The following AXL variants were observed in gnomAD, a reference collection of about 807,000 sequenced individuals.
AXL encodes AXL receptor tyrosine kinase.
A neutral mutation model predicts 104.5 loss-of-function variants in AXL; 52 were observed. That is an observed-to-expected ratio of 0.50 (90% CI 0.40 to 0.63). The LOEUF is 0.63. Ranked by LOEUF, AXL falls within the 20% of genes least tolerant of loss-of-function variation. The pLI is 0.00. For synonymous variants in AXL, 455 were observed against 473.7 expected (o/e 0.96, Z 0.51); for missense variants, 1,024 against 1,188.5 (o/e 0.86, Z 2.04).
At chr19:41,254,442 C>T (rs2034421881) in intron 17 of AXL, among the ~76,000 whole-genome samples, 1 of 150,874 alleles carries the variant, frequency 6.6e-6, no homozygotes, top group Admixed American at 6.6e-5. Context: ...CCTGTAGTCC[C>T]AGCCATTCCC....
chr19:41,234,526 C>A (rs2034046202), intron 6 of AXL, among the ~76,000 whole-genome samples: 1 of 151,514 alleles, frequency 6.6e-6, no homozygotes, highest in Admixed American at 6.6e-5. Flanking sequence ...CAGAGTGAGA[C>A]CCTGCCTAAA....
chr19:41,234,551 AAAAG>A (rs575100754), intron 6 of AXL, among the ~76,000 whole-genome samples: 379 of 152,306 alleles, frequency 2.5e-3, no homozygotes, highest in Non-Finnish European at 3.8e-3. Flanking sequence ...AGAAAAAAGA[AAAAG>A]AAAGAAAGAA....
intron 13 of AXL, 56 bp from the exon 14 acceptor site, chr19:41,248,687 G>T: frequency 2.5e-6 from 4 of 1,612,396 alleles, no homozygotes; most frequent in Non-Finnish European, 3.4e-6. Flanking sequence ...CCAACTATAG[G>T]AAATACAGTC....
Position 41,243,613 on chromosome 19 carries a change from C to T in AXL, c.1446-3C>T. 5 of 1,613,750 alleles carry T rather than the reference C, an allele frequency of 3.1e-6. No homozygotes were observed. Among genetic ancestry groups the T allele is most frequent in the Middle Eastern group, 1.6e-4 (1 of 6,062 alleles). On this transcript the variant is annotated splice_region_variant and splice_polypyrimidine_tract_variant and intron_variant, in intron 11 of 19. Transcript: ENST00000301178. ...GCCCTCACCTACTCCCCCTCCCCCC[C>T]AGAGAAGTGTTTGAACCAACAGTGG...
At chr19:41,256,065 G>A (rs1280271150) in intron 17 of AXL, among the ~76,000 whole-genome samples, 1 of 148,592 alleles carries the variant, frequency 6.7e-6, no homozygotes, top group Non-Finnish European at 1.5e-5. Flanking sequence ...TCTTAATCTG[G>A]GTGCTGGTTA....
intron 17 of AXL, among the ~76,000 whole-genome samples, chr19:41,255,676 A>G (rs1218783748): frequency 6.6e-6 from 1 of 151,208 alleles, no homozygotes; most frequent in Non-Finnish European, 1.5e-5. Context: ...CCTAGCCTCA[A>G]GTGATCCTCC....
intron 19 of AXL, among the ~76,000 whole-genome samples, chr19:41,259,301 C>T (rs2034499071): frequency 6.6e-6 from 1 of 152,092 alleles, no homozygotes; most frequent in Admixed American, 6.6e-5. Context: ...TCTAGCAAAC[C>T]CTCATCAGAA....
chr19:41,245,191 G>A (rs1599737646), intron 12 of AXL, among the ~76,000 whole-genome samples: 1 of 152,212 alleles, frequency 6.6e-6, no homozygotes, highest in East Asian at 1.9e-4. Context: ...TGGGATTACA[G>A]GTGTGAGCCA....
rs770402054 is a variant in AXL, at chr19:41,237,996, C to A, written c.836C>A (p.Pro279Gln). Residue 279 changes from proline (P) to glutamine (Q), a missense_variant, in exon 7 of 20, where the codon CCA becomes CAA. Around this residue, in one of 5 missense-constraint regions of AXL, gnomAD observed 332 missense variants for 343.9 expected, o/e 0.97. Coordinates refer to ENST00000301178, the MANE Select transcript of AXL (RefSeq NM_021913.5). ...ATCCAGGCGGGAGAACCAGACCCCC[C>A]AGAGGAGCCCCTCACCTCGCAAGCA... ...MGIQAGEPDP[P>Q]EEPLTSQASV... is the part of the protein sequence containing the mutation. 11 of 1,613,962 alleles carry A rather than the reference C, an allele frequency of 6.8e-6. No individual in the cohort carries two copies. The Admixed American group carries it at 1.7e-4, about 24-fold the overall frequency.
intron 4 of AXL, among the ~76,000 whole-genome samples, chr19:41,229,034 C>G (rs1435112665): frequency 6.6e-6 from 1 of 151,624 alleles, no homozygotes; most frequent in Non-Finnish European, 1.5e-5. Flanking sequence ...ACTGCAGCCT[C>G]TGCCTCCCGG....
chr19:41,247,418 G>A (rs926744748), intron 12 of AXL, among the ~76,000 whole-genome samples: 1 of 152,030 alleles, frequency 6.6e-6, no homozygotes, highest in African/African-American at 2.4e-5. Context: ...CAGGAGAATC[G>A]CTTGAACCTG....
chr19:41,259,666 C>T lies in AXL; in HGVS notation c.2447C>T (p.Pro816Leu). ...AAGGCCTTGCCTCCTGCCCAGGAGC[C>T]TGACGAAATCCTCTATGTCAACATG... The part of the protein sequence containing the change: ...TLKALPPAQE[P>L]DEILYVNMDE... The change falls in exon 20 of 20, where the codon CCT becomes CTT. Residue 816 changes from proline (P) to leucine (L), a missense_variant. Around this residue, in one of 5 missense-constraint regions of AXL, gnomAD observed 523 missense variants for 636.0 expected, o/e 0.82. Transcript: ENST00000301178. 6.2e-7 allele frequency: 1 copy of T among 1,614,096 alleles called. No individual in the cohort carries two copies. Among genetic ancestry groups the T allele is most frequent in the Non-Finnish European group, 8.5e-7 (1 of 1,180,022 alleles).
rs569639340 is a variant in AXL at position 41,249,384 on chromosome 19, G to A, written c.1711+564G>A. 1.1e-4 allele frequency among the ~76,000 whole-genome samples: 16 copies of A among 152,248 alleles called. No homozygotes were observed. The East Asian group carries it at 1.7e-3, about 17-fold the overall frequency. On this transcript the variant is annotated intron_variant, in intron 14 of 19. Coordinates refer to ENST00000301178, the MANE Select transcript of AXL (RefSeq NM_021913.5). ...GTGGGAGAATCACTTGAGTCTGTGC[G>A]GCAGAGGTTGCAGTCAGCTATGATC...
In AXL at chr19:41,256,611, G is replaced by A. The variant is rs2122290221; in HGVS notation, c.2196G>A (p.Val732=). 6.2e-7 allele frequency: 1 copy of A among 1,613,302 alleles called. No individual in the cohort carries two copies. Among genetic ancestry groups the A allele is most frequent in the Non-Finnish European group, 8.5e-7 (1 of 1,179,268 alleles). The change falls in exon 18 of 20, where the codon GTG becomes GTA. Residue 732 remains valine, a splice_region_variant and synonymous_variant. Coordinates refer to ENST00000301178, the MANE Select transcript of AXL (RefSeq NM_021913.5). ...GTGTCTACACCAGCAAGAGCGATGTGGTAGGTGCACTCCCGCCAAGAGTGG... is the reference window on the plus strand; with the variant it reads ...GTGTCTACACCAGCAAGAGCGATGTAGTAGGTGCACTCCCGCCAAGAGTGG... The part of the protein sequence containing the change: ...ADRVYTSKSD[V]WSFGVTMWEI...
At chr19:41,225,406 G>A (rs933088127) in intron 4 of AXL, among the ~76,000 whole-genome samples, 2 of 152,198 alleles carry the variant, frequency 1.3e-5, no homozygotes, top group Non-Finnish European at 2.9e-5. Context: ...TGAGGTGTAC[G>A]CGTCGGTGTG....
chr19:41,219,573 C>G, intron 1 of AXL, 96 bp downstream of exon 1: 1 of 1,417,908 alleles, frequency 7.1e-7, no homozygotes, highest in Middle Eastern at 2.0e-4. Context: ...GGGGCCTGGG[C>G]TGGCTTAGGG....
chr19:41,259,789 C>A lies in AXL; in HGVS notation c.2570C>A (p.Ala857Glu). 1 of 1,614,092 alleles carries A rather than the reference C, an allele frequency of 6.2e-7. No homozygotes were observed. The highest frequency in any genetic ancestry group is 8.5e-7 in the Non-Finnish European group (1 of 1,180,010). ...DPKDSCSCLT[A>E]AEVHPAGRYV... ...AAGGATTCCTGTAGCTGCCTCACTG[C>A]GGCTGAGGTCCATCCTGCTGGACGC... Residue 857 changes from alanine (A) to glutamate (E), a missense_variant, in exon 20 of 20, where the codon GCG (alanine) becomes GAG (glutamate). By Grantham distance (107) the Ala-to-Glu change is moderately radical. Transcript: ENST00000301178.
intron 1 of AXL, 56 bp from the exon 2 acceptor site, chr19:41,220,580 G>C (rs2033771395): frequency 6.8e-7 from 1 of 1,471,634 alleles, no homozygotes; most frequent in African/African-American, 1.4e-5. Flanking sequence ...GGGTGGAACT[G>C]AGGGCCGGAA....
In AXL at chr19:41,232,547, C is replaced by T. The variant is rs58359669; in HGVS notation, c.783+1249C>T. Reference sequence around the variant, plus strand: ...CTGAGGCAGGAGAATCCCTTGAACCCTGGAGGCAGAGGTTGCAGTGAGCCG... The same window carrying T: ...CTGAGGCAGGAGAATCCCTTGAACCTTGGAGGCAGAGGTTGCAGTGAGCCG... On this transcript the variant is annotated intron_variant, in intron 6 of 19. Transcript: ENST00000301178. Among the ~76,000 whole-genome samples the T allele has an allele frequency of 9.2e-3, 1,391 of 151,944 alleles. 22 individuals carry two copies. Among genetic ancestry groups the T allele is most frequent in the African/African-American group, 0.027 (1,129 of 41,450 alleles).
Sources: allele counts gnomAD v4.1 joint callset (sites outside exome capture counted in the v4.1 genomes callset), GRCh38; gene constraint gnomAD v4.1.1; regional missense constraint gnomAD v4.1.1; transcripts MANE v1.5; gene names NCBI Gene and HGNC (gene_info 2026-07-23, HGNC 2026-07-21).